GPHN: variants seen among roughly 807,000 people sequenced by gnomAD.
GPHN encodes the protein gephyrin.
A neutral mutation model predicts 95.5 loss-of-function variants in GPHN; 17 were observed. That is an observed-to-expected ratio of 0.18 (90% confidence interval 0.12 to 0.27). The LOEUF is 0.27. Among genes scored for constraint, GPHN ranks in the 10% least tolerant of loss-of-function variants. GPHN has a pLI of 1.00. For synonymous variants in GPHN, 320 were observed against 322.5 expected (o/e 0.99, Z 0.08); for missense variants, 660 against 978.1 (o/e 0.67, Z 4.34).
At chr14:66,964,392 A>T (rs770743421) in intron 8 of GPHN, among the ~76,000 whole-genome samples, 18 of 152,148 alleles carry the variant, frequency 1.2e-4, no homozygotes, top group Non-Finnish European at 2.2e-4. Flanking sequence ...ATCCATCAGG[A>T]TCCTAGCAGA....
At chr14:67,294,316 TAGTC>T in the GPHN span, 1 of 152,076 alleles carries the variant, frequency 6.6e-6, no homozygotes, top group East Asian at 1.9e-4. Flanking sequence ...AAAAAGCACA[TAGTC>T]AGAACTCAAC....
intron 4 of GPHN, among the ~76,000 whole-genome samples, chr14:66,841,017 A>G (rs371977816): frequency 1.1e-4 from 13 of 118,962 alleles, no homozygotes; most frequent in East Asian, 2.3e-4. Flanking sequence ...ATAGATATAG[A>G]TATAGATATA....
chr14:67,408,374 A>T, the GPHN span, among the ~76,000 whole-genome samples: 1 of 151,450 alleles, frequency 6.6e-6, no homozygotes, highest in East Asian at 1.9e-4. Flanking sequence ...AAAAACAAAG[A>T]TGGGATGATA....
At chr14:66,580,232 G>A (rs935508849) in intron 1 of GPHN, among the ~76,000 whole-genome samples, 1 of 151,758 alleles carries the variant, frequency 6.6e-6, no homozygotes, top group African/African-American at 2.4e-5. Flanking sequence ...TAAGAGAGAA[G>A]TTTATAGCAA....
intron 8 of GPHN, among the ~76,000 whole-genome samples, chr14:66,937,621 G>A (rs920912157): frequency 1.3e-5 from 2 of 151,750 alleles, no homozygotes; most frequent in Middle Eastern, 3.5e-3. Context: ...CTTGTGATCC[G>A]GCTGCTTCGG....
chr14:66,869,716 T>C (rs934066162), intron 4 of GPHN, among the ~76,000 whole-genome samples: 7 of 152,332 alleles, frequency 4.6e-5, no homozygotes, highest in African/African-American at 9.6e-5. Context: ...AATTGGAAAG[T>C]AGAAGCATAG....
intron 4 of GPHN, among the ~76,000 whole-genome samples, chr14:66,831,426 T>A (rs1346742128): frequency 1.3e-5 from 2 of 152,202 alleles, no homozygotes; most frequent in Non-Finnish European, 2.9e-5. Flanking sequence ...TATTTAAAAC[T>A]AAATTTAATA....
intron 12 of GPHN, among the ~76,000 whole-genome samples, chr14:67,099,547 CA>C (rs368937478): frequency 2.6e-4 from 37 of 141,336 alleles, no homozygotes; most frequent in South Asian, 4.4e-4. Context: ...TAACAGGATT[CA>C]AAAAAAAAAA....
chr14:66,613,908 A>G (rs1300161351), intron 1 of GPHN, among the ~76,000 whole-genome samples: 2 of 152,060 alleles, frequency 1.3e-5, no homozygotes, highest in African/African-American at 4.8e-5. Context: ...ATATTCATCA[A>G]CATTTGATAT....
chr14:67,125,473 A>G (rs2079245834), intron 17 of GPHN, among the ~76,000 whole-genome samples: 1 of 152,202 alleles, frequency 6.6e-6, no homozygotes, highest in African/African-American at 2.4e-5. Context: ...AGGGAGAGAA[A>G]TAGCTCAAGA....
At chr14:67,397,823 G>A in the GPHN span, 170 of 1,609,598 alleles carry the variant, frequency 1.1e-4, 2 homozygotes, top group South Asian at 1.8e-3. Context: ...TGGACAATGT[G>A]GCCCTATGGA....
rs375710935 is a variant in GPHN, at chr14:66,769,939, C to G, written c.144-6525C>G. Among the ~76,000 whole-genome samples, 6 of 152,172 alleles carry G rather than the reference C, an allele frequency of 3.9e-5. No individual in the cohort carries two copies. In the East Asian group the frequency reaches 5.8e-4, roughly 15 times the overall value. On this transcript the variant is annotated intron_variant, in intron 2 of 22. Coordinates refer to ENST00000478722, the MANE Select transcript of GPHN (RefSeq NM_020806.5). ...CGCAATGCTTGAATTAATTTATACT[C>G]CCACCAACAGTGTATACATGTTCCT...
At chr14:67,576,777 T>C in the GPHN span, among the ~76,000 whole-genome samples, 1 of 152,156 alleles carries the variant, frequency 6.6e-6, no homozygotes. This position sits in a 1 kb window ranked among gnomAD's most constrained non-coding sequence, Gnocchi z 4.0. Context: ...CGTTGCTGGC[T>C]GGGCAGAGGG....
At chr14:67,711,914 AG>A in the GPHN span, among the ~76,000 whole-genome samples, 1 of 152,184 alleles carries the variant, frequency 6.6e-6, no homozygotes, top group East Asian at 1.9e-4. Context: ...TTATTTAGAT[AG>A]GGACTACCTA....
chr14:66,607,441 A>G (rs998458256), intron 1 of GPHN, among the ~76,000 whole-genome samples: 1 of 150,818 alleles, frequency 6.6e-6, no homozygotes, highest in Non-Finnish European at 1.5e-5. Flanking sequence ...CATTTGGGAT[A>G]TTGGCCTGAA....
chr14:66,614,739 A>T (rs1751144734), intron 1 of GPHN, among the ~76,000 whole-genome samples: 1 of 151,828 alleles, frequency 6.6e-6, no homozygotes, highest in Non-Finnish European at 1.5e-5. Context: ...CTTTTTTATG[A>T]TTTTTTTCTT....
intron 1 of GPHN, among the ~76,000 whole-genome samples, chr14:66,568,217 GAAAT>G (rs1447527206): frequency 1.3e-5 from 2 of 152,122 alleles, no homozygotes; most frequent in Non-Finnish European, 2.9e-5. Context: ...GCTACAGTAG[GAAAT>G]AAATAAATGT....
chr14:66,847,167 ATTT>A (rs1193663367), intron 4 of GPHN, among the ~76,000 whole-genome samples: 1 of 152,076 alleles, frequency 6.6e-6, no homozygotes, highest in East Asian at 1.9e-4. Flanking sequence ...ACCAAACTTT[ATTT>A]TAACAGCACA....
intron 1 of GPHN, among the ~76,000 whole-genome samples, chr14:66,587,940 T>A (rs1239235438): frequency 6.6e-6 from 1 of 152,198 alleles, no homozygotes; most frequent in African/African-American, 2.4e-5. Context: ...GCCTCCTGAC[T>A]GGGAGACACC....
Sources: allele counts gnomAD v4.1 joint callset (sites outside exome capture counted in the v4.1 genomes callset), GRCh38; gene constraint gnomAD v4.1.1; non-coding constraint Gnocchi (gnomAD v3.1); transcripts MANE v1.5; gene names NCBI Gene and HGNC (gene_info 2026-07-23, HGNC 2026-07-21).